COL12A1: variants seen among roughly 807,000 people sequenced by gnomAD.
The protein encoded by COL12A1 is collagen type XII alpha 1 chain.
A neutral mutation model predicts 349.7 loss-of-function variants in COL12A1; 114 were observed. That is an observed-to-expected ratio of 0.33 (90% CI 0.28 to 0.38). COL12A1 has a LOEUF of 0.38. Among genes scored for constraint, COL12A1 ranks in the 10% least tolerant of loss-of-function variants. The probability of loss-of-function intolerance (pLI) is 1.00; values close to 1 mark genes in which losing one functional copy is unlikely to be tolerated. For missense variants in COL12A1, 3,284 were observed against 3,756.9 expected (o/e 0.87, Z 3.29); for synonymous variants, 1,369 against 1,329.0 (o/e 1.03, Z -0.66).
chr6:75,162,693 G>T (rs2149434474), intron 14 of COL12A1, among the ~76,000 whole-genome samples: 1 of 152,294 alleles, frequency 6.6e-6, no homozygotes, highest in East Asian at 1.9e-4. Context: ...CTTCTGCACA[G>T]CAAAAGAAAC....
chr6:75,087,592 C>T lies in COL12A1; in HGVS notation c.9166G>A (p.Gly3056Arg), dbSNP rs751344618. The T allele has an allele frequency of 4.4e-5, 71 of 1,613,604 alleles. No individual in the cohort carries two copies. Among genetic ancestry groups the T allele is most frequent in the Non-Finnish European group, 5.7e-5 (67 of 1,179,832 alleles). The change falls in exon 65 of 66, where the codon GGG becomes AGG. Residue 3056 changes from glycine to arginine, a missense_variant. Physicochemically the swap from Gly to Arg is moderately radical, Grantham distance 125. Transcript: ENST00000322507. ...AACAACGTACCTGGATAGCCTTGCCCGTTGTATGGGATGCTGGCACACTGA... is the reference window on the plus strand; with the variant it reads ...AACAACGTACCTGGATAGCCTTGCCTGTTGTATGGGATGCTGGCACACTGA... ...SSQCASIPYN[G>R]QGYPGSG
At position 75,190,411 on chromosome 6, in the gene COL12A1, C is replaced by T. The variant is rs185598200; in HGVS notation, c.395-596G>A. ...GGAGCCTGATAGAAGTAAAAACAAG[C>T]ATAAAATTATGCAAAATAGCCAAAA... On this transcript the variant is annotated intron_variant, in intron 5 of 65. Transcript: ENST00000322507. Among the ~76,000 whole-genome samples the T allele has an allele frequency of 2.6e-5, 4 of 151,962 alleles. No individual in the cohort carries two copies. The East Asian group carries it at 7.7e-4, about 29-fold the overall frequency.
chr6:75,113,659 C>T lies in COL12A1; in HGVS notation c.7783G>A (p.Ala2595Thr). ...LLPETPSDPF[A>T]IWQITDRDYK... ...TCTCTGTCTGTGATTTGCCAAATTG[C>T]AAAAGGGTCACTGGGAGTTTCTGGG... The change falls in exon 50 of 66, where the codon GCA (alanine) becomes ACA (threonine). Residue 2595 changes from alanine to threonine, a missense_variant. Around this residue, in one of 2 missense-constraint regions of COL12A1, gnomAD observed 683 missense variants for 932.1 expected, o/e 0.73. Transcript: ENST00000322507. The T allele has an allele frequency of 6.2e-7, 1 of 1,607,222 alleles. No homozygotes were observed. Among genetic ancestry groups the T allele is most frequent in the Non-Finnish European group, 8.5e-7 (1 of 1,175,582 alleles).
intron 10 of COL12A1, among the ~76,000 whole-genome samples, chr6:75,182,408 G>A (rs917608194): frequency 1.3e-5 from 2 of 151,272 alleles, no homozygotes; most frequent in African/African-American, 4.9e-5. Flanking sequence ...CGCCACCCCT[G>A]TGTCCATGTG....
In COL12A1 at chr6:75,128,430, A is replaced by T. The variant is rs1379978669; in HGVS notation, c.6211-5T>A. On this transcript the variant is annotated splice_polypyrimidine_tract_variant and splice_region_variant and intron_variant, in intron 37 of 65. Coordinates refer to ENST00000322507, the MANE Select transcript of COL12A1 (RefSeq NM_004370.6). ...TCTTCTGCCTGGGACTGTGGTCTAT[A>T]GAGGAAGTTAAATTATAAATATATT... 1 of 1,556,466 alleles carries T rather than the reference A, an allele frequency of 6.4e-7. No individual in the cohort carries two copies. The highest frequency in any genetic ancestry group is 1.4e-5 in the African/African-American group (1 of 72,338).
chr6:75,123,534 C>T, intron 42 of COL12A1, 130 bp from the exon 43 acceptor site: 3 of 755,678 alleles, frequency 4.0e-6, no homozygotes, highest in South Asian at 1.7e-5. Context: ...CCATTGTCAT[C>T]GGTACTGACA....
In COL12A1 at chr6:75,125,089, C is replaced by T. The variant is rs188192609; in HGVS notation, c.6607+38G>A. The T allele has an allele frequency of 2.2e-5, 34 of 1,544,610 alleles. No homozygotes were observed. The East Asian group carries it at 7.7e-4, about 35-fold the overall frequency. On this transcript the variant is annotated intron_variant, in intron 40 of 65. Transcript: ENST00000322507. ...CAGGCTGACCTGGTAATTTCTACTA[C>T]AGTTTTTCTCACAACCATGAAAATA...
Position 75,116,038 on chromosome 6 carries a change from CAA to C in COL12A1, c.7537_7538del (p.Leu2513GlyfsTer9). 6.2e-7 allele frequency: 1 copy of C among 1,613,280 alleles called. No homozygotes were observed. The highest frequency in any genetic ancestry group is 8.5e-7 in the Non-Finnish European group (1 of 1,179,526). On this transcript the variant is annotated frameshift_variant, in exon 48 of 66. Coordinates refer to ENST00000322507, the MANE Select transcript of COL12A1 (RefSeq NM_004370.6). LOFTEE classifies it high-confidence loss of function. ...GCTTACCTGGTGAGGTGTAGCCATC[CAA>C]ATAAATGAGAGGACAACCTGCAATG... ...TATSSCPLIY[L>X]DGYTSPGFKM...
intron 46 of COL12A1, among the ~76,000 whole-genome samples, chr6:75,118,060 C>T (rs1769172973): frequency 6.6e-6 from 1 of 151,864 alleles, no homozygotes; most frequent in South Asian, 2.1e-4. Context: ...TAGGCTATGA[C>T]AAATAAGCAC....
At chr6:75,179,963 G>T (rs903255726) in intron 11 of COL12A1, among the ~76,000 whole-genome samples, 3 of 152,218 alleles carry the variant, frequency 2.0e-5, no homozygotes, top group East Asian at 1.9e-4. Flanking sequence ...ATTCACAAAA[G>T]GTGGGTGCAG....
At chr6:75,158,814 T>C (rs1767887833) in intron 14 of COL12A1, among the ~76,000 whole-genome samples, 1 of 151,944 alleles carries the variant, frequency 6.6e-6, no homozygotes, top group African/African-American at 2.4e-5. Flanking sequence ...GGCATTATAA[T>C]AGAACATGAA....
intron 31 of COL12A1, among the ~76,000 whole-genome samples, chr6:75,135,966 C>G (rs766544981): frequency 6.6e-6 from 1 of 152,196 alleles, no homozygotes; most frequent in Non-Finnish European, 1.5e-5. Context: ...ATCAGTTATT[C>G]ATCATTTTCA....
intron 33 of COL12A1, 114 bp from the exon 34 acceptor site, chr6:75,133,536 T>G: frequency 9.2e-7 from 1 of 1,087,288 alleles, no homozygotes; most frequent in Non-Finnish European, 1.3e-6. Context: ...TTCTGTAATA[T>G]TAGGATGTCA....
chr6:75,113,038 G>T, intron 51 of COL12A1, 166 bp downstream of exon 51: 1 of 425,506 alleles, frequency 2.4e-6, no homozygotes, highest in Non-Finnish European at 4.1e-6. Flanking sequence ...TTAGTATATT[G>T]TTTTATTTTA....
chr6:75,184,245 C>T, intron 8 of COL12A1, 101 bp from the exon 9 acceptor site: 1 of 1,247,624 alleles, frequency 8.0e-7, no homozygotes, highest in Non-Finnish European at 1.1e-6. Context: ...TCAAATTCAT[C>T]CTAAATACAT....
chr6:75,150,618 A>C (rs1313913584), intron 21 of COL12A1, among the ~76,000 whole-genome samples: 1 of 152,194 alleles, frequency 6.6e-6, no homozygotes, highest in Non-Finnish European at 1.5e-5. Context: ...TCACACTAGG[A>C]AATTTAAAAA....
At chr6:75,186,936 A>G (rs1321366102) in intron 8 of COL12A1, among the ~76,000 whole-genome samples, 1 of 151,948 alleles carries the variant, frequency 6.6e-6, no homozygotes, top group Non-Finnish European at 1.5e-5. Context: ...ATGGAGACAT[A>G]GAGGGAAACG....
Position 75,188,473 on chromosome 6 carries a change from C to T in COL12A1, c.886G>A (p.Val296Ile), listed in dbSNP as rs1273649550. ...QIASTPSLNH[V>I]FNVANFDAIV... ...GCATCAAAGTTGGCCACATTGAAAA[C>T]ATGGTTCAGTGAAGGTGTGGAGGCA... The change falls in exon 8 of 66, where the codon GTT becomes ATT. Residue 296 changes from valine to isoleucine, a missense_variant. Physicochemically the swap from Val to Ile is conservative, Grantham distance 29. Around this residue, in one of 2 missense-constraint regions of COL12A1, gnomAD observed 2,601 missense variants for 2,824.8 expected, o/e 0.92. Coordinates refer to ENST00000322507, the MANE Select transcript of COL12A1 (RefSeq NM_004370.6). 3 of 1,613,450 alleles carry T rather than the reference C, an allele frequency of 1.9e-6. No individual in the cohort carries two copies. Among genetic ancestry groups the T allele is most frequent in the Admixed American group, 1.7e-5 (1 of 59,940 alleles).
Position 75,156,414 on chromosome 6 carries a change from G to A in COL12A1, c.3093C>T (p.Arg1031=). The change falls in exon 15 of 66, where the codon CGC becomes CGT. Residue 1031 remains arginine, a synonymous_variant. Coordinates refer to ENST00000322507, the MANE Select transcript of COL12A1 (RefSeq NM_004370.6). ...GKVVNYRVVY[R]PHGRGKQMVA... ...CCATTTGCTTCCCTCTCCCATGAGG[G>A]CGATAGACAACACGGTAGTTGACGA... 1 of 1,614,002 alleles carries A rather than the reference G, an allele frequency of 6.2e-7. No individual in the cohort carries two copies. Among genetic ancestry groups the A allele is most frequent in the Non-Finnish European group, 8.5e-7 (1 of 1,179,942 alleles).
Sources: gnomAD v4.1 joint callset for allele counts (sites outside exome capture counted in the v4.1 genomes callset) on GRCh38, gnomAD v4.1.1 for gene constraint, gnomAD v4.1.1 regional missense constraint, MANE v1.5 for transcripts, NCBI Gene and HGNC (gene_info 2026-07-23, HGNC 2026-07-21) for gene names.